The following PDZD2 variants were observed in gnomAD, a reference collection of about 807,000 sequenced individuals.
PDZD2 encodes the protein PDZ domain-containing protein 2.
Under a neutral mutation model 220.7 loss-of-function variants are expected in PDZD2, and 90 were observed. The observed-to-expected ratio is 0.41, with a 90% confidence interval of 0.34 to 0.49. The LOEUF is 0.49. Ranked by LOEUF, PDZD2 falls within the 20% of genes least tolerant of loss-of-function variation. PDZD2 has a pLI of 0.28. For synonymous variants in PDZD2, 1,375 were observed against 1,450.5 expected, an observed-to-expected ratio of 0.95 and a Z score of 1.18; for missense variants, 3,174 against 3,608.5, an observed-to-expected ratio of 0.88 and a Z score of 3.08.
At chr5:31,827,810 C>T (rs1454453903) in intron 2 of PDZD2, among the ~76,000 whole-genome samples, 1 of 152,106 alleles carries the variant, frequency 6.6e-6, no homozygotes, top group East Asian at 1.9e-4. Flanking sequence ...AGATTCACAG[C>T]ATTGAATATC....
chr5:31,689,353 A>ATATATATATATATATATATTTT, intron 1 of PDZD2, among the ~76,000 whole-genome samples: 1 of 35,122 alleles, frequency 2.8e-5, no homozygotes, highest in Non-Finnish European at 4.2e-5. Flanking sequence ...ATATATATAT[A>ATATATATATATATATATATTTT]TTTTTTTTTT....
chr5:31,700,931 T>A (rs1443333849), intron 1 of PDZD2, among the ~76,000 whole-genome samples: 1 of 152,164 alleles, frequency 6.6e-6, no homozygotes, highest in African/African-American at 2.4e-5. Context: ...TGGGCTCCCA[T>A]CTCCTGGGGG....
intron 1 of PDZD2, among the ~76,000 whole-genome samples, chr5:31,654,022 G>C (rs943976883): frequency 3.3e-5 from 5 of 152,176 alleles, no homozygotes; most frequent in African/African-American, 1.2e-4. Flanking sequence ...CTGACCTTGT[G>C]ATACGCCCAC....
chr5:31,700,357 G>T (rs991867734), intron 1 of PDZD2, among the ~76,000 whole-genome samples: 3 of 152,102 alleles, frequency 2.0e-5, no homozygotes, highest in African/African-American at 7.2e-5. Flanking sequence ...GCCAGCAGTT[G>T]GTGGAGGATG....
At chr5:31,769,889 TG>T (rs1752241413) in intron 1 of PDZD2, among the ~76,000 whole-genome samples, 1 of 129,592 alleles carries the variant, frequency 7.7e-6, no homozygotes, top group Admixed American at 7.6e-5. Context: ...ATCTGGATTT[TG>T]TTATTGTTTT....
At position 32,087,857 on chromosome 5, in the gene PDZD2, G is replaced by T; in HGVS notation, c.4409G>T (p.Cys1470Phe). 6.2e-7 allele frequency: 1 copy of T among 1,611,780 alleles called. No homozygotes were observed. The highest frequency in any genetic ancestry group is 8.5e-7 in the Non-Finnish European group (1 of 1,179,142). ...PPAGAGGGSS[C>F]RAEPVPGGQT... ...GCCGGGGCTGGAGGTGGGAGCTCCTGCCGTGCCGAACCAGTCCCGGGGGGC... is the reference window on the plus strand; with the variant it reads ...GCCGGGGCTGGAGGTGGGAGCTCCTTCCGTGCCGAACCAGTCCCGGGGGGC... Residue 1470 changes from cysteine to phenylalanine, a missense_variant, in exon 20 of 25, where the codon TGC (cysteine) becomes TTC (phenylalanine). Around this residue, in one of 4 missense-constraint regions of PDZD2, gnomAD observed 1,861 missense variants for 2,001.0 expected, o/e 0.93. Coordinates refer to ENST00000438447, the MANE Select transcript of PDZD2 (RefSeq NM_178140.4). This position sits in a 1 kb window ranked among gnomAD's most constrained non-coding sequence, Gnocchi z 4.0.
chr5:31,685,028 G>T (rs1746794759), intron 1 of PDZD2, among the ~76,000 whole-genome samples: 1 of 152,130 alleles, frequency 6.6e-6, no homozygotes, highest in East Asian at 1.9e-4. Context: ...CACCTAGCAG[G>T]CACTGGAGCC....
chr5:31,855,558 CG>C (rs1253540383), intron 2 of PDZD2, among the ~76,000 whole-genome samples: 2 of 152,302 alleles, frequency 1.3e-5, no homozygotes, highest in South Asian at 2.1e-4. Flanking sequence ...CCGGTAGGGG[CG>C]GGGGGCATGG....
At position 32,086,031 on chromosome 5, in the gene PDZD2, C is replaced by T. The variant is rs188511422; in HGVS notation, c.3683-1100C>T. Reference sequence around the variant, plus strand: ...CCCCTTGTCAGCCCCATTCATGTCCCCACCTCCTCTGTCAAGTCTTCCTGG... The same window carrying T: ...CCCCTTGTCAGCCCCATTCATGTCCTCACCTCCTCTGTCAAGTCTTCCTGG... On this transcript the variant is annotated intron_variant, in intron 19 of 24. Transcript: ENST00000438447. Among the ~76,000 whole-genome samples, 1,292 of 152,194 alleles carry T rather than the reference C, an allele frequency of 8.5e-3. 15 individuals are homozygous for T. Among genetic ancestry groups the T allele is most frequent in the Non-Finnish European group, 0.013 (866 of 68,008 alleles).
At chr5:31,738,101 A>G (rs1228740050) in intron 1 of PDZD2, among the ~76,000 whole-genome samples, 1 of 152,244 alleles carries the variant, frequency 6.6e-6, no homozygotes, top group Non-Finnish European at 1.5e-5. Context: ...TCTACAATGT[A>G]TTCAGATCAT....
At chr5:31,877,678 ATT>A (rs1739429773) in intron 2 of PDZD2, among the ~76,000 whole-genome samples, 1 of 42,060 alleles carries the variant, frequency 2.4e-5, no homozygotes, top group Non-Finnish European at 4.2e-5. Context: ...TGAAAGGTCT[ATT>A]TATTTATTTA....
In PDZD2 at chr5:32,089,799, G is replaced by A. The variant is rs766458694; in HGVS notation, c.6351G>A (p.Gly2117=). Residue 2117 remains glycine, a synonymous_variant, in exon 20 of 25, where the codon GGG becomes GGA. Transcript: ENST00000438447. The part of the protein sequence containing the change: ...NKPAESDRRG[G]CLAQGNCQEK... Reference sequence around the variant, plus strand: ...CAGCTGAAAGCGACAGACGGGGAGGGTGCTTGGCCCAGGGCAACTGTCAGG... The same window carrying A: ...CAGCTGAAAGCGACAGACGGGGAGGATGCTTGGCCCAGGGCAACTGTCAGG... 6 of 1,614,194 alleles carry A rather than the reference G, an allele frequency of 3.7e-6. No individual in the cohort carries two copies. Among genetic ancestry groups the A allele is most frequent in the Admixed American group, 1.7e-5 (1 of 60,030 alleles).
chr5:31,961,823 T>C (rs892620152), intron 2 of PDZD2, among the ~76,000 whole-genome samples: 1 of 152,132 alleles, frequency 6.6e-6, no homozygotes, highest in African/African-American at 2.4e-5. Context: ...TCTGTATTTT[T>C]AGTAGAGACA....
chr5:32,021,431 G>A (rs141417412), intron 6 of PDZD2, among the ~76,000 whole-genome samples: 2,309 of 152,058 alleles, frequency 0.015, 52 homozygotes, highest in African/African-American at 0.054. Context: ...CGAGTAGCTG[G>A]GATTACAGGC....
chr5:32,087,618 G>A lies in PDZD2; in HGVS notation c.4170G>A (p.Pro1390=), dbSNP rs139738690. 3.1e-4 allele frequency: 500 copies of A among 1,614,086 alleles called. 2 individuals are homozygous for A. The African/African-American group carries it at 5.5e-3, about 18-fold the overall frequency. ...EGADSVSSRA[P]QASLSMLPST... ...CAGATTCTGTGTCCTCAAGGGCACC[G>A]CAGGCCAGCCTCTCCATGCTGCCAT... is the stretch of plus-strand genomic sequence containing the variant. Residue 1390 remains proline, a synonymous_variant, in exon 20 of 25, where the codon CCG becomes CCA. Transcript: ENST00000438447. This position sits in a 1 kb window ranked among gnomAD's most constrained non-coding sequence, Gnocchi z 4.0.
intron 2 of PDZD2, among the ~76,000 whole-genome samples, chr5:31,960,127 AT>A (rs942062633): frequency 6.6e-6 from 1 of 152,072 alleles, no homozygotes. Context: ...GTGGACAGGA[AT>A]TTTAGGAGGG....
chr5:32,082,383 C>A (rs887174578), intron 19 of PDZD2, among the ~76,000 whole-genome samples: 2 of 152,028 alleles, frequency 1.3e-5, no homozygotes, highest in African/African-American at 4.8e-5. Flanking sequence ...AGAAGGAATA[C>A]CTTATCATTA....
At chr5:31,753,157 T>A (rs1250429247) in intron 1 of PDZD2, among the ~76,000 whole-genome samples, 1 of 152,094 alleles carries the variant, frequency 6.6e-6, no homozygotes, top group Non-Finnish European at 1.5e-5. Context: ...ATAAATGAAG[T>A]GAGATAAATA....
chr5:32,088,742 C>G lies in PDZD2; in HGVS notation c.5294C>G (p.Pro1765Arg), dbSNP rs377627251. Residue 1765 changes from proline (P) to arginine (R), a missense_variant, in exon 20 of 25, where the codon CCT becomes CGT. Physicochemically the swap from Pro to Arg is moderately radical, Grantham distance 103. Transcript: ENST00000438447. The surrounding 1 kb of genome is among the most constrained non-coding windows in gnomAD (Gnocchi z 4.6). Reference protein sequence around the residue: ...ASLSSFSVDVPKNGESVLENL... With the variant: ...ASLSSFSVDVRKNGESVLENL... Reference sequence around the variant, plus strand: ...CTGTCCTCCTTCAGTGTGGATGTCCCTAAGAATGGAGAATCTGTTTTGGAA... The same window carrying G: ...CTGTCCTCCTTCAGTGTGGATGTCCGTAAGAATGGAGAATCTGTTTTGGAA... The G allele has an allele frequency of 1.2e-6, 2 of 1,614,086 alleles. No homozygotes were observed. The highest frequency in any genetic ancestry group is 2.7e-5 in the African/African-American group (2 of 75,006).
Sources: allele counts gnomAD v4.1 joint callset (sites outside exome capture counted in the v4.1 genomes callset), GRCh38; gene constraint gnomAD v4.1.1; regional missense constraint gnomAD v4.1.1; non-coding constraint Gnocchi (gnomAD v3.1); transcripts MANE v1.5; gene names NCBI Gene and HGNC (gene_info 2026-07-23, HGNC 2026-07-21).